OSBPL8: variants seen among roughly 807,000 people sequenced by gnomAD.
OSBPL8 encodes the protein oxysterol-binding protein-related protein 8.
In OSBPL8, 59 loss-of-function variants were observed where a neutral mutation model predicts 125.5. That is an observed-to-expected ratio of 0.47 (90% CI 0.38 to 0.58). The LOEUF is 0.58. OSBPL8 is among the 20% of genes least tolerant of loss of function. OSBPL8 has a pLI of 0.00. For synonymous variants in OSBPL8, 330 were observed against 338.9 expected (o/e 0.97, Z 0.29); for missense variants, 758 against 1,047.8 (o/e 0.72, Z 3.82).
At position 76,559,766 on chromosome 12, in the gene OSBPL8, C is replaced by T. The variant is rs1455135653; in HGVS notation, c.-437G>A. 3 of 152,608 alleles carry T rather than the reference C, an allele frequency of 2.0e-5. No homozygotes were observed. The highest frequency in any genetic ancestry group is 7.2e-5 in the African/African-American group (3 of 41,594). 9.5% of individuals were successfully genotyped at this position (152,608 alleles called of 1,614,324 possible). Reference sequence around the variant, plus strand: ...ATGTTGTCATCCGCCGCGTCGCCGCCTTTCTGGGCACCCAGAACCGCGAAG... The same window carrying T: ...ATGTTGTCATCCGCCGCGTCGCCGCTTTTCTGGGCACCCAGAACCGCGAAG... On this transcript the variant is annotated 5_prime_UTR_variant, in exon 1 of 24. Coordinates refer to ENST00000261183, the MANE Select transcript of OSBPL8 (RefSeq NM_020841.5).
At chr12:76,543,340 A>G (rs185087700) in intron 1 of OSBPL8, among the ~76,000 whole-genome samples, 5 of 152,328 alleles carry the variant, frequency 3.3e-5, no homozygotes, top group Non-Finnish European at 5.9e-5. Context: ...ACACTTCATT[A>G]AAGTCCACCA....
At position 76,394,749 on chromosome 12, in the gene OSBPL8, A is replaced by G. The variant is rs761511863; in HGVS notation, c.673-20T>C. Reference sequence around the variant, plus strand: ...TGGACCCTTAATAACAAAATAAACAAAATAAATGGTATAGAGTAATTATTA... The same window carrying G: ...TGGACCCTTAATAACAAAATAAACAGAATAAATGGTATAGAGTAATTATTA... On this transcript the variant is annotated intron_variant, in intron 8 of 23. Coordinates refer to ENST00000261183, the MANE Select transcript of OSBPL8 (RefSeq NM_020841.5). 9 of 1,554,106 alleles carry G rather than the reference A, an allele frequency of 5.8e-6. No individual in the cohort carries two copies. The highest frequency in any genetic ancestry group is 8.0e-6 in the Non-Finnish European group (9 of 1,131,374).
intron 14 of OSBPL8, among the ~76,000 whole-genome samples, chr12:76,384,554 G>A (rs995419142): frequency 2.0e-5 from 3 of 152,100 alleles, no homozygotes; most frequent in African/African-American, 7.2e-5. Context: ...CACCCTCCTG[G>A]TAGTCACATA....
At chr12:76,502,053 T>C (rs1879957817) in intron 1 of OSBPL8, among the ~76,000 whole-genome samples, 1 of 152,172 alleles carries the variant, frequency 6.6e-6, no homozygotes, top group Non-Finnish European at 1.5e-5. Flanking sequence ...TTCCCCAACA[T>C]CATGAAGTAA....
chr12:76,451,013 T>C (rs1873339332), intron 3 of OSBPL8, 25 bp from the exon 4 acceptor site: 1 of 1,608,188 alleles, frequency 6.2e-7, no homozygotes, highest in Non-Finnish European at 8.5e-7. Context: ...GGAAAAATAA[T>C]TAGTACTGAA....
intron 1 of OSBPL8, among the ~76,000 whole-genome samples, chr12:76,524,446 T>A (rs1034904008): frequency 6.6e-6 from 1 of 152,142 alleles, no homozygotes; most frequent in African/African-American, 2.4e-5. Context: ...AATTTTTTTT[T>A]AAATGGCAGG....
chr12:76,555,278 T>G (rs1951059441), intron 1 of OSBPL8, among the ~76,000 whole-genome samples: 1 of 152,196 alleles, frequency 6.6e-6, no homozygotes, highest in African/African-American at 2.4e-5. Context: ...GGCTCAGATT[T>G]TCAGCTACAC....
chr12:76,456,670 T>G (rs900157920), intron 3 of OSBPL8, among the ~76,000 whole-genome samples: 1 of 152,212 alleles, frequency 6.6e-6, no homozygotes, highest in Non-Finnish European at 1.5e-5. Context: ...TACTGTTTGC[T>G]GTTGACTGGA....
At chr12:76,556,197 G>C (rs1195341775) in intron 1 of OSBPL8, among the ~76,000 whole-genome samples, 1 of 152,134 alleles carries the variant, frequency 6.6e-6, no homozygotes, top group Non-Finnish European at 1.5e-5. Context: ...TTGAACATTT[G>C]GAGATTCAAT....
intron 1 of OSBPL8, among the ~76,000 whole-genome samples, chr12:76,499,147 C>T (rs1282140087): frequency 6.6e-6 from 1 of 152,102 alleles, no homozygotes; most frequent in Non-Finnish European, 1.5e-5. Flanking sequence ...CCTAGCCTCC[C>T]AACCTACGTC....
At chr12:76,477,621 C>T (rs757379297) in intron 2 of OSBPL8, among the ~76,000 whole-genome samples, 1 of 152,028 alleles carries the variant, frequency 6.6e-6, no homozygotes, top group Admixed American at 6.5e-5. Flanking sequence ...TGTAACGTGA[C>T]GTCCTGAATT....
At chr12:76,420,822 T>A (rs1869382468) in intron 4 of OSBPL8, among the ~76,000 whole-genome samples, 1 of 152,038 alleles carries the variant, frequency 6.6e-6, no homozygotes, top group African/African-American at 2.4e-5. Context: ...CCATTCTACT[T>A]CTTAGTTGAT....
At chr12:76,404,010 C>A (rs1283266396) in intron 5 of OSBPL8, among the ~76,000 whole-genome samples, 1 of 152,170 alleles carries the variant, frequency 6.6e-6, no homozygotes, top group Non-Finnish European at 1.5e-5. Context: ...GAAAGATGGG[C>A]TATTAAGGTG....
intron 1 of OSBPL8, among the ~76,000 whole-genome samples, chr12:76,510,897 A>AAT (rs1555233524): frequency 6.6e-6 from 1 of 150,856 alleles, no homozygotes; most frequent in African/African-American, 2.4e-5. Context: ...AAAAAAAAAA[A>AAT]ATATATTTAC....
rs144464751 is a variant in OSBPL8, at chr12:76,389,975, C to A, written c.1168-146G>T. 3.0e-3 allele frequency: 1,721 copies of A among 582,004 alleles called. 30 individuals carry two copies. In the African/African-American group the frequency reaches 0.031, roughly 10 times the overall value. 36.1% of individuals were successfully genotyped at this position (582,004 alleles called of 1,614,324 possible). A position where few individuals can be genotyped will look rare whatever the true frequency, so the allele number is the denominator to read the frequency against. On this transcript the variant is annotated intron_variant, in intron 11 of 23. Transcript: ENST00000261183. ...TGGAAACAAAAAATAATAATAAAAT[C>A]TATAGCTATAAAACTTAGGTAAAAA...
At chr12:76,551,202 C>A (rs980930982) in intron 1 of OSBPL8, among the ~76,000 whole-genome samples, 3 of 152,210 alleles carry the variant, frequency 2.0e-5, no homozygotes, top group African/African-American at 2.4e-5. Flanking sequence ...CCTTACCCAA[C>A]CCCTAAAAGG....
chr12:76,373,842 AAAAC>A (rs200006040), intron 17 of OSBPL8, among the ~76,000 whole-genome samples: 269 of 152,010 alleles, frequency 1.8e-3, no homozygotes, highest in African/African-American at 2.7e-3. Context: ...CCTTCCTTAA[AAAAC>A]AAACAAACAA....
At chr12:76,470,038 T>C (rs1875942324) in intron 2 of OSBPL8, among the ~76,000 whole-genome samples, 2 of 152,224 alleles carry the variant, frequency 1.3e-5, no homozygotes, top group South Asian at 4.1e-4. Flanking sequence ...TAAAATAACA[T>C]TGTTACAGAT....
At chr12:76,363,151 T>G (rs928339193) in intron 21 of OSBPL8, among the ~76,000 whole-genome samples, 1 of 152,218 alleles carries the variant, frequency 6.6e-6, no homozygotes, top group African/African-American at 2.4e-5. Flanking sequence ...AAGCTACCAC[T>G]GACTTTCTTC....
Sources: allele counts gnomAD v4.1 joint callset (sites outside exome capture counted in the v4.1 genomes callset), GRCh38; gene constraint gnomAD v4.1.1; transcripts MANE v1.5; gene names NCBI Gene and HGNC (gene_info 2026-07-23, HGNC 2026-07-21).